ASTN1: variants seen among roughly 807,000 people sequenced by gnomAD.
ASTN1 encodes astrotactin 1, also known as astrotactin-1.
A neutral mutation model predicts 140.7 loss-of-function variants in ASTN1; 41 were observed. That is an observed-to-expected ratio of 0.29 (90% CI 0.23 to 0.38). The LOEUF is 0.38. Among genes scored for constraint, ASTN1 ranks in the 10% least tolerant of loss-of-function variants. The pLI is 1.00. For missense variants in ASTN1, 1,479 were observed against 1,678.8 expected, an observed-to-expected ratio of 0.88 and a Z score of 2.08; for synonymous variants, 640 against 652.2, an observed-to-expected ratio of 0.98 and a Z score of 0.29.
chr1:177,151,106 A>C (rs1683011081), intron 1 of ASTN1, among the ~76,000 whole-genome samples: 1 of 152,144 alleles, frequency 6.6e-6, no homozygotes, highest in South Asian at 2.1e-4. Flanking sequence ...ACAGGTAGTT[A>C]GGAGAGGCAG....
At chr1:177,107,443 G>C (rs1680604339) in intron 1 of ASTN1, among the ~76,000 whole-genome samples, 1 of 152,210 alleles carries the variant, frequency 6.6e-6, no homozygotes, top group Non-Finnish European at 1.5e-5. Context: ...AGGAAGGATA[G>C]TCCATTTGCT....
At chr1:177,001,302 C>T (rs1222881449) in intron 8 of ASTN1, among the ~76,000 whole-genome samples, 1 of 152,036 alleles carries the variant, frequency 6.6e-6, no homozygotes, top group African/African-American at 2.4e-5. Flanking sequence ...ACTCAAATGC[C>T]AAATTGACAT....
Position 176,863,063 on chromosome 1 carries a change from G to A in ASTN1, c.*1221C>T, listed in dbSNP as rs1192319238. 20 of 985,616 alleles carry A rather than the reference G, an allele frequency of 2.0e-5. No homozygotes were observed. Among genetic ancestry groups the A allele is most frequent in the Admixed American group, 6.1e-5 (1 of 16,270 alleles). 61.1% of individuals were successfully genotyped at this position (985,616 alleles called of 1,614,324 possible). A position where few individuals can be genotyped will look rare whatever the true frequency, so the allele number is the denominator to read the frequency against. On this transcript the variant is annotated 3_prime_UTR_variant, in exon 23 of 23. Transcript: ENST00000361833. The stretch of plus-strand genomic sequence containing the variant: ...TCCTGTTGGCTGGGCCACCATTCAT[G>A]ACCATGCCAATGCTTGGGCAGTGGG...
rs556229282 is a variant in ASTN1 at position 177,103,308 on chromosome 1, G to T, written c.284-42043C>A. Reference sequence around the variant, plus strand: ...GGGGACTGAATAGATCTAGAAGCCAGAAAAAAACCTTACAGTGAAATTTGC... The same window carrying T: ...GGGGACTGAATAGATCTAGAAGCCATAAAAAAACCTTACAGTGAAATTTGC... On this transcript the variant is annotated intron_variant, in intron 1 of 22. Transcript: ENST00000361833. Among the ~76,000 whole-genome samples, 38 of 152,306 alleles carry T rather than the reference G, an allele frequency of 2.5e-4. 2 individuals carry two copies. The South Asian group carries it at 7.9e-3, about 32-fold the overall frequency.
At chr1:177,161,395 C>T (rs182871857) in intron 1 of ASTN1, among the ~76,000 whole-genome samples, 3 of 152,332 alleles carry the variant, frequency 2.0e-5, no homozygotes, top group Admixed American at 2.0e-4. Context: ...TTCACCTTTC[C>T]TAGTCCAAGC....
Position 176,949,303 on chromosome 1 carries a change from G to T in ASTN1, c.1936C>A (p.Arg646Ser), listed in dbSNP as rs749259454. The change falls in exon 12 of 23, where the codon CGC (arginine) becomes AGC (serine). Residue 646 changes from arginine (R) to serine (S), a missense_variant. Arg to Ser is a moderately radical substitution (Grantham distance 110). This residue lies in a region of ASTN1 where 729 missense variants were observed against 860.4 expected (regional missense o/e 0.85). Coordinates refer to ENST00000361833, the MANE Select transcript of ASTN1 (RefSeq NM_004319.3). ...PMKDSSGCYD[R>S]HIGVDCSDGF... ...TCGGAACAGTCCACCCCGATGTGGCGGTCATAGCAGCCAGAGCTGTCCTTC... is the reference window on the plus strand; with the variant it reads ...TCGGAACAGTCCACCCCGATGTGGCTGTCATAGCAGCCAGAGCTGTCCTTC... The T allele has an allele frequency of 6.2e-7, 1 of 1,614,072 alleles. No individual in the cohort carries two copies. The highest frequency in any genetic ancestry group is 1.1e-5 in the South Asian group (1 of 91,088).
chr1:177,075,835 T>C (rs1678874946), intron 1 of ASTN1, among the ~76,000 whole-genome samples: 1 of 151,656 alleles, frequency 6.6e-6, no homozygotes, highest in South Asian at 2.1e-4. Context: ...AGATACAGGG[T>C]CTTGCTATGT....
At chr1:176,996,334 CAGAGAA>C (rs990382792) in intron 8 of ASTN1, among the ~76,000 whole-genome samples, 7 of 150,080 alleles carry the variant, frequency 4.7e-5, no homozygotes, top group Non-Finnish European at 1.0e-4. Flanking sequence ...GAGACAGAGA[CAGAGAA>C]AGAGAAAGAG....
rs377266759 is a variant in ASTN1, at chr1:176,891,026, A to G, written c.2941-2822T>C. On this transcript the variant is annotated intron_variant, in intron 17 of 22. Transcript: ENST00000361833. ...TGGGCAACAGAGCAAGACCTGTCTC[A>G]AAAAAACAAAAATTAAAATTAAAAA... 8.5e-5 allele frequency among the ~76,000 whole-genome samples: 13 copies of G among 152,140 alleles called. No homozygotes were observed. In the East Asian group the frequency reaches 1.4e-3, roughly 16 times the overall value.
At chr1:176,859,322 G>A (rs1045101044), downstream of ASTN1, among the ~76,000 whole-genome samples, 5 of 152,126 alleles carry the variant, frequency 3.3e-5, no homozygotes, top group Admixed American at 6.5e-5. Context: ...CTCCATGGAG[G>A]CAGAGACCCA....
At chr1:177,091,402 T>C (rs899533015) in intron 1 of ASTN1, among the ~76,000 whole-genome samples, 1 of 152,202 alleles carries the variant, frequency 6.6e-6, no homozygotes, top group South Asian at 2.1e-4. Flanking sequence ...TTATTTTTAC[T>C]AAATTTTACC....
intron 8 of ASTN1, among the ~76,000 whole-genome samples, chr1:176,983,164 G>GT: frequency 6.6e-6 from 1 of 152,178 alleles, no homozygotes; most frequent in Non-Finnish European, 1.5e-5. Flanking sequence ...TTTGGATAAT[G>GT]TAAGTGGTTC....
intron 7 of ASTN1, among the ~76,000 whole-genome samples, chr1:177,021,068 T>G (rs140729331): frequency 1.3e-5 from 2 of 151,954 alleles, no homozygotes; most frequent in Non-Finnish European, 2.9e-5. Flanking sequence ...TGGGATAGAG[T>G]GTGGGAGGCG....
chr1:177,015,613 A>G (rs1449066091), intron 7 of ASTN1, among the ~76,000 whole-genome samples: 1 of 152,192 alleles, frequency 6.6e-6, no homozygotes, highest in African/African-American at 2.4e-5. Context: ...ACTACATTTC[A>G]TTATAATTTG....
At chr1:177,057,833 A>G (rs1364015615) in intron 2 of ASTN1, among the ~76,000 whole-genome samples, 1 of 152,188 alleles carries the variant, frequency 6.6e-6, no homozygotes, top group Admixed American at 6.5e-5. Context: ...GAATTTTGCT[A>G]TCTTCTGGCT....
intron 1 of ASTN1, among the ~76,000 whole-genome samples, chr1:177,064,508 C>G (rs939188197): frequency 6.6e-6 from 1 of 152,140 alleles, no homozygotes; most frequent in African/African-American, 2.4e-5. Flanking sequence ...CATGGTAGCA[C>G]CAATGGAAGA....
At chr1:176,962,137 CT>C (rs772445055) in intron 9 of ASTN1, among the ~76,000 whole-genome samples, 2 of 152,294 alleles carry the variant, frequency 1.3e-5, no homozygotes, top group South Asian at 4.1e-4. Flanking sequence ...CAGGCACTCA[CT>C]TTGAGGGAAG....
At chr1:176,866,050 T>C (rs1325586364) in intron 22 of ASTN1, among the ~76,000 whole-genome samples, 2 of 152,182 alleles carry the variant, frequency 1.3e-5, no homozygotes, top group African/African-American at 4.8e-5. Flanking sequence ...CCAAATCATA[T>C]CACAATTCCT....
chr1:176,907,031 C>G (rs6425402), intron 16 of ASTN1, among the ~76,000 whole-genome samples: 47,648 of 151,886 alleles, frequency 0.31, 8,992 homozygotes, highest in East Asian at 0.73. Context: ...ATATAGAAAC[C>G]AGTCAATCAC....
Sources: gnomAD v4.1 joint callset for allele counts (sites outside exome capture counted in the v4.1 genomes callset) on GRCh38, gnomAD v4.1.1 for gene constraint, gnomAD v4.1.1 regional missense constraint, MANE v1.5 for transcripts, NCBI Gene and HGNC (gene_info 2026-07-23, HGNC 2026-07-21) for gene names.